The following COG6 variants were observed in gnomAD, a reference collection of about 807,000 sequenced individuals.
The protein encoded by COG6 is conserved oligomeric Golgi complex subunit 6.
COG6 carries 74 observed loss-of-function variants against 88.8 expected under a neutral mutation model. The observed-to-expected ratio is 0.83, with a 90% CI of 0.69 to 1.01. The LOEUF is 1.01. Ranked by LOEUF, COG6 falls within the 50% of genes least tolerant of loss-of-function variation. The pLI is 0.00. For missense variants in COG6, 800 were observed against 797.9 expected, an observed-to-expected ratio of 1.00 and a Z score of -0.03; for synonymous variants, 286 against 278.7, an observed-to-expected ratio of 1.03 and a Z score of -0.26.
intron 13 of COG6, among the ~76,000 whole-genome samples, chr13:39,714,709 G>A (rs901412949): frequency 6.6e-6 from 1 of 152,120 alleles, no homozygotes; most frequent in Non-Finnish European, 1.5e-5. Flanking sequence ...AAAACAGTAG[G>A]AAGATTTCTT....
rs577075670 is a variant in COG6 at position 39,704,579 on chromosome 13, CAG to C, written c.1284+4966_1284+4967del. Among the ~76,000 whole-genome samples, 4 of 152,202 alleles carry C rather than the reference CAG, an allele frequency of 2.6e-5. No homozygotes were observed. The East Asian group carries it at 5.8e-4, about 22-fold the overall frequency. The stretch of plus-strand genomic sequence containing the variant: ...AGAAGAGAGACTGGTCTTGCTGTCT[CAG>C]AGAGTAGCAGAGGGAGAAGACAATC... On this transcript the variant is annotated intron_variant, in intron 13 of 18. Transcript: ENST00000455146.
chr13:39,746,187 C>T (rs1331516612), intron 18 of COG6, among the ~76,000 whole-genome samples: 2 of 150,776 alleles, frequency 1.3e-5, no homozygotes, highest in African/African-American at 4.9e-5. Context: ...ACCTATGTAA[C>T]GAACTGGCAT....
chr13:39,671,786 T>C (rs1333519315), intron 4 of COG6, among the ~76,000 whole-genome samples: 1 of 151,982 alleles, frequency 6.6e-6, no homozygotes, highest in East Asian at 1.9e-4. Context: ...CTTTGTACTT[T>C]ACAGTTTTAT....
intron 18 of COG6, among the ~76,000 whole-genome samples, chr13:39,750,537 AT>A (rs1201663032): frequency 6.6e-6 from 1 of 152,192 alleles, no homozygotes; most frequent in Non-Finnish European, 1.5e-5. Context: ...TTCCTGAGAG[AT>A]AAAAGTGTTG....
At chr13:39,701,122 ACT>A (rs911189581) in intron 13 of COG6, among the ~76,000 whole-genome samples, 1 of 151,800 alleles carries the variant, frequency 6.6e-6, no homozygotes, top group African/African-American at 2.4e-5. Context: ...TAAGGGAAAG[ACT>A]CTGGGAATAG....
intron 18 of COG6, among the ~76,000 whole-genome samples, chr13:39,761,276 T>C (rs1566042773): frequency 6.6e-6 from 1 of 152,070 alleles, no homozygotes; most frequent in Non-Finnish European, 1.5e-5. Context: ...TGATATCTAT[T>C]CTTAAGTTAC....
chr13:39,694,021 A>G (rs544248869), intron 11 of COG6, among the ~76,000 whole-genome samples: 2 of 151,996 alleles, frequency 1.3e-5, no homozygotes, highest in South Asian at 4.1e-4. Context: ...GATAATATAA[A>G]AGAAGGATCA....
chr13:39,705,130 G>T (rs1877811769), intron 13 of COG6, among the ~76,000 whole-genome samples: 2 of 152,140 alleles, frequency 1.3e-5, no homozygotes, highest in South Asian at 4.1e-4. Flanking sequence ...ATTTATTGTA[G>T]CATGTTCTTC....
At chr13:39,662,134 T>G (rs1467816515) in intron 3 of COG6, among the ~76,000 whole-genome samples, 1 of 141,992 alleles carries the variant, frequency 7.0e-6, no homozygotes, top group Non-Finnish European at 1.5e-5. Context: ...TTCTGTTTTG[T>G]CCTTTGTATT....
Position 39,757,698 on chromosome 13 carries a change from A to G in COG6, c.1826+30150A>G, listed in dbSNP as rs538073396. On this transcript the variant is annotated intron_variant, in intron 18 of 18. Coordinates refer to the COG6 transcript ENST00000416691. ...TGGAAGTGGACAAATGAAAAACACA[A>G]AGTACCAAAATCAACTCAAGAAGAA... 3.3e-5 allele frequency among the ~76,000 whole-genome samples: 5 copies of G among 152,290 alleles called. No individual in the cohort carries two copies. In the South Asian group the frequency reaches 8.3e-4, roughly 25 times the overall value.
At chr13:39,660,940 A>G in intron 3 of COG6, 59 bp downstream of exon 3, 3 of 980,040 alleles carry the variant, frequency 3.1e-6, no homozygotes, top group Non-Finnish European at 4.9e-6. Flanking sequence ...AAAAATTATT[A>G]TTGACAAAAT....
At chr13:39,682,985 C>T (rs1566177788) in intron 8 of COG6, among the ~76,000 whole-genome samples, 1 of 152,010 alleles carries the variant, frequency 6.6e-6, no homozygotes, top group Non-Finnish European at 1.5e-5. Flanking sequence ...TTGAATCATC[C>T]CTTTCAGAAT....
chr13:39,774,962 T>A (rs1034544285), intron 18 of COG6, among the ~76,000 whole-genome samples: 3 of 152,218 alleles, frequency 2.0e-5, no homozygotes, highest in African/African-American at 7.2e-5. Context: ...AAATTTATTA[T>A]TAATAGTTAC....
chr13:39,709,856 T>A (rs964632705), intron 13 of COG6, among the ~76,000 whole-genome samples: 3 of 152,198 alleles, frequency 2.0e-5, no homozygotes, highest in African/African-American at 7.2e-5. Context: ...GATATACACT[T>A]GATCCAGCAC....
chr13:39,730,588 A>G (rs1879379509), intron 18 of COG6, among the ~76,000 whole-genome samples: 1 of 151,552 alleles, frequency 6.6e-6, no homozygotes, highest in African/African-American at 2.4e-5. Flanking sequence ...AGCCTTGCCA[A>G]TATGGTGAAA....
chr13:39,726,252 A>G (rs1410079842), intron 17 of COG6, among the ~76,000 whole-genome samples: 1 of 151,828 alleles, frequency 6.6e-6, no homozygotes, highest in Non-Finnish European at 1.5e-5. Context: ...AAATTGTAAG[A>G]CCTTCTATCC....
chr13:39,723,144 C>T (rs746656591), intron 15 of COG6, among the ~76,000 whole-genome samples, 189 bp from the exon 16 acceptor site: 1 of 151,964 alleles, frequency 6.6e-6, no homozygotes, highest in African/African-American at 2.4e-5. Context: ...CTAGAATCCT[C>T]CTTGTTTATA....
chr13:39,688,736 G>A (rs1876812223), intron 10 of COG6, among the ~76,000 whole-genome samples: 1 of 152,146 alleles, frequency 6.6e-6, no homozygotes, highest in Non-Finnish European at 1.5e-5. Flanking sequence ...AAAAATAACT[G>A]TAGTTGAGAG....
intron 6 of COG6, 89 bp downstream of exon 6, chr13:39,679,709 A>G (rs1876195671): frequency 1.2e-6 from 1 of 826,348 alleles, no homozygotes; most frequent in Non-Finnish European, 2.1e-6. Context: ...ACTATATAGC[A>G]TTTTGTGAAA....
Sources: allele counts gnomAD v4.1 joint callset (sites outside exome capture counted in the v4.1 genomes callset), GRCh38; gene constraint gnomAD v4.1.1; transcripts MANE v1.5; gene names NCBI Gene and HGNC (gene_info 2026-07-23, HGNC 2026-07-21).